Variants in MICU2 observed in about 807,000 individuals in gnomAD.
MICU2 encodes the protein mitochondrial calcium uptake 2, also known as calcium uptake protein 2, mitochondrial.
In MICU2, 64 loss-of-function variants were observed where a neutral mutation model predicts 60.4. That is an observed-to-expected ratio of 1.06 (90% CI 0.87 to 1.31). MICU2 has a LOEUF of 1.31. Among genes scored for constraint, MICU2 ranks in the 50% most tolerant of loss-of-function variants. The probability of loss-of-function intolerance (pLI) is 0.00; values close to 1 mark genes in which losing one functional copy is unlikely to be tolerated. For missense variants in MICU2, 569 were observed against 531.0 expected (o/e 1.07, Z -0.70); for synonymous variants, 201 against 175.0 (o/e 1.15, Z -1.17).
intron 1 of MICU2, among the ~76,000 whole-genome samples, chr13:21,587,272 G>C (rs1888480166): frequency 6.6e-6 from 1 of 152,080 alleles, no homozygotes; most frequent in Non-Finnish European, 1.5e-5. Flanking sequence ...CAGTGGAGAG[G>C]ACAAAGCCCT....
At chr13:21,541,117 T>C (rs1374823940) in intron 2 of MICU2, among the ~76,000 whole-genome samples, 1 of 152,092 alleles carries the variant, frequency 6.6e-6, no homozygotes, top group Non-Finnish European at 1.5e-5. Context: ...GATTGACATT[T>C]TGAAGGCAGA....
intron 1 of MICU2, among the ~76,000 whole-genome samples, chr13:21,580,445 G>A (rs144115441): frequency 3.3e-5 from 5 of 152,264 alleles, no homozygotes; most frequent in Non-Finnish European, 7.4e-5. Context: ...CTACTCCTGT[G>A]TCTTTATAAT....
chr13:21,603,679 G>A (rs1485594608), intron 1 of MICU2: 1 of 540,674 alleles, frequency 1.8e-6, no homozygotes, highest in Non-Finnish European at 3.3e-6. Flanking sequence ...CAGTTTTGTG[G>A]GCCGTGGTGT....
chr13:21,513,367 C>A (rs896615480), intron 7 of MICU2, among the ~76,000 whole-genome samples: 1 of 152,078 alleles, frequency 6.6e-6, no homozygotes, highest in African/African-American at 2.4e-5. Flanking sequence ...AGTATGTTAG[C>A]TGTAGGTTTT....
At chr13:21,517,936 G>GT (rs1886623149) in intron 6 of MICU2, among the ~76,000 whole-genome samples, 18 of 152,100 alleles carry the variant, frequency 1.2e-4, no homozygotes, top group Admixed American at 1.2e-3. Flanking sequence ...ATGACATGCT[G>GT]TATCACGCTC....
intron 5 of MICU2, among the ~76,000 whole-genome samples, chr13:21,522,100 GAA>G (rs1268915676): frequency 6.6e-6 from 1 of 152,222 alleles, no homozygotes; most frequent in Non-Finnish European, 1.5e-5. Flanking sequence ...TAAAGACTAA[GAA>G]ATTAACATGG....
intron 2 of MICU2, among the ~76,000 whole-genome samples, chr13:21,540,004 A>G (rs925697686): frequency 4.6e-5 from 7 of 152,222 alleles, no homozygotes; most frequent in African/African-American, 1.4e-4. Context: ...CTTGTCAAAC[A>G]TAATTTCTTC....
intron 2 of MICU2, among the ~76,000 whole-genome samples, chr13:21,564,664 G>C (rs1887932724): frequency 6.6e-6 from 1 of 152,122 alleles, no homozygotes; most frequent in Admixed American, 6.5e-5. Flanking sequence ...ATCCCCCTAG[G>C]GTGGCTGGGC....
intron 1 of MICU2, chr13:21,602,793 T>C (rs1305868541): frequency 1.3e-5 from 2 of 152,194 alleles, no homozygotes; most frequent in African/African-American, 2.4e-5. Flanking sequence ...TCCTTGAGTT[T>C]TTCGCTAGAA....
At chr13:21,546,416 TA>T (rs1177111740) in intron 2 of MICU2, among the ~76,000 whole-genome samples, 2 of 151,676 alleles carry the variant, frequency 1.3e-5, no homozygotes, top group Non-Finnish European at 2.9e-5. Context: ...AGAGATTATA[TA>T]ACATGGGGGA....
intron 2 of MICU2, among the ~76,000 whole-genome samples, chr13:21,555,795 AAAAG>A (rs1255774742): frequency 6.6e-6 from 1 of 152,104 alleles, no homozygotes; most frequent in Non-Finnish European, 1.5e-5. Flanking sequence ...CACTGAGAAA[AAAAG>A]AAAGAAAGGT....
chr13:21,539,376 T>TA lies in MICU2; in HGVS notation c.391_392insT (p.Asp131ValfsTer25), dbSNP rs1887220075. The TA allele has an allele frequency of 1.9e-6, 3 of 1,612,302 alleles. No individual in the cohort carries two copies. The highest frequency in any genetic ancestry group is 2.5e-6 in the Non-Finnish European group (3 of 1,179,396). On this transcript the variant is annotated frameshift_variant and splice_region_variant, in exon 4 of 12. Transcript: ENST00000382374. LOFTEE classifies it high-confidence loss of function. ...GATCCCTGACAGTGTATCCTCGATG[T>TA]CCTTTGAATACACATATTAAAATTA...
chr13:21,570,681 G>A (rs899751647), intron 1 of MICU2, among the ~76,000 whole-genome samples: 1 of 152,188 alleles, frequency 6.6e-6, no homozygotes, highest in Non-Finnish European at 1.5e-5. Context: ...TACACATATT[G>A]CGACTATAAC....
At chr13:21,571,395 T>A (rs1416235739) in intron 1 of MICU2, among the ~76,000 whole-genome samples, 3 of 152,066 alleles carry the variant, frequency 2.0e-5, no homozygotes, top group Non-Finnish European at 4.4e-5. Context: ...GAAATTAAAA[T>A]TTTAAAAAAA....
intron 1 of MICU2, among the ~76,000 whole-genome samples, chr13:21,595,904 A>G (rs1212383856): frequency 6.6e-6 from 1 of 152,078 alleles, no homozygotes; most frequent in Non-Finnish European, 1.5e-5. Context: ...CTACTTCTGG[A>G]CCCCTGTGAG....
chr13:21,584,662 T>G (rs1262652190), intron 1 of MICU2, among the ~76,000 whole-genome samples: 1 of 152,214 alleles, frequency 6.6e-6, no homozygotes, highest in African/African-American at 2.4e-5. Flanking sequence ...TGATTCATTA[T>G]TATTTTTATA....
intron 1 of MICU2, among the ~76,000 whole-genome samples, chr13:21,574,057 G>A (rs545319266): frequency 7.5e-4 from 114 of 152,316 alleles, no homozygotes; most frequent in Middle Eastern, 3.4e-3. Context: ...CAATGGACTG[G>A]CAGGAGAAGC....
At chr13:21,584,582 G>A (rs1888419464) in intron 1 of MICU2, among the ~76,000 whole-genome samples, 1 of 151,822 alleles carries the variant, frequency 6.6e-6, no homozygotes, top group South Asian at 2.1e-4. Flanking sequence ...ACTATCTATG[G>A]AACCACATAT....
intron 1 of MICU2, chr13:21,603,581 G>A (rs1008730950): frequency 3.1e-6 from 1 of 323,074 alleles, no homozygotes; most frequent in South Asian, 4.7e-5. Context: ...GACCAGAGAG[G>A]TAGCAAGAGG....
Sources: allele counts gnomAD v4.1 joint callset (sites outside exome capture counted in the v4.1 genomes callset), GRCh38; gene constraint gnomAD v4.1.1; transcripts MANE v1.5; gene names NCBI Gene and HGNC (gene_info 2026-07-23, HGNC 2026-07-21).